The following POU6F2 variants were observed in gnomAD, a reference collection of about 807,000 sequenced individuals.
POU6F2 encodes POU class 6 homeobox 2.
In POU6F2, 31 loss-of-function variants were observed where a neutral mutation model predicts 71.3. That is an observed-to-expected ratio of 0.43 (90% confidence interval 0.33 to 0.59). The LOEUF is 0.59. Ranked by LOEUF, POU6F2 falls within the 20% of genes least tolerant of loss-of-function variation. The pLI, the probability that POU6F2 is intolerant of heterozygous loss-of-function variation, is 0.04. For missense variants in POU6F2, 783 were observed against 856.8 expected (o/e 0.91, Z 1.07); for synonymous variants, 347 against 355.7 (o/e 0.98, Z 0.27).
chr7:39,141,593 A>G (rs544979902), intron 2 of POU6F2, among the ~76,000 whole-genome samples: 34 of 152,348 alleles, frequency 2.2e-4, no homozygotes, highest in African/African-American at 8.2e-4. Flanking sequence ...TCAACCCTTA[A>G]AACTTATCTA....
At chr7:38,994,485 T>C (rs1307878021) in intron 1 of POU6F2, among the ~76,000 whole-genome samples, 2 of 152,118 alleles carry the variant, frequency 1.3e-5, no homozygotes, top group Admixed American at 6.6e-5. Context: ...AAAAAGTGTC[T>C]GCCAGTTTGT....
At chr7:39,024,299 C>G (rs894799291) in intron 1 of POU6F2, among the ~76,000 whole-genome samples, 1 of 151,716 alleles carries the variant, frequency 6.6e-6, no homozygotes, top group Non-Finnish European at 1.5e-5. Context: ...TGATTTGGCT[C>G]TCTGTTTGTC....
chr7:39,419,003 A>ATG lies in POU6F2; in HGVS notation c.1113+12267_1113+12268dup, dbSNP rs543407191. On this transcript the variant is annotated intron_variant, in intron 6 of 9. Coordinates refer to ENST00000518318, the MANE Select transcript of POU6F2 (RefSeq NM_001370959.1). ...TATATATGTGTATATATGTGTATAT[A>ATG]TGTGTATATATGTATATATATGTGT... 6.3e-4 allele frequency among the ~76,000 whole-genome samples: 91 copies of ATG among 143,896 alleles called. 1 individual carries two copies. In the South Asian group the frequency reaches 0.015, roughly 23 times the overall value. The allele number at this position is 143,896 out of a possible 152,430, so 94.4% of individuals were successfully genotyped here.
At chr7:39,137,955 G>T (rs1792419400) in intron 2 of POU6F2, among the ~76,000 whole-genome samples, 1 of 152,178 alleles carries the variant, frequency 6.6e-6, no homozygotes, top group Non-Finnish European at 1.5e-5. Flanking sequence ...CTAACTTGAG[G>T]ACTGAGTAAT....
chr7:39,248,147 AG>A (rs1783853052), intron 4 of POU6F2, among the ~76,000 whole-genome samples: 1 of 152,208 alleles, frequency 6.6e-6, no homozygotes, highest in African/African-American at 2.4e-5. Flanking sequence ...CTCTGGGAGA[AG>A]TGGACATATT....
intron 4 of POU6F2, among the ~76,000 whole-genome samples, chr7:39,275,364 A>T (rs1011005548): frequency 6.6e-6 from 1 of 152,332 alleles, no homozygotes; most frequent in Admixed American, 6.5e-5. Context: ...GGACCTCTTC[A>T]AGGAGAACTA....
At chr7:39,454,710 ATATATATATATAT>A (rs1788755459) in intron 8 of POU6F2, among the ~76,000 whole-genome samples, 3 of 87,816 alleles carry the variant, frequency 3.4e-5, no homozygotes, top group Admixed American at 1.3e-4. Context: ...ATATATATAT[ATATATATATATAT>A]ATATAAAATA....
At chr7:39,036,499 T>C (rs951590502) in intron 1 of POU6F2, among the ~76,000 whole-genome samples, 3 of 152,128 alleles carry the variant, frequency 2.0e-5, no homozygotes, top group African/African-American at 7.2e-5. Flanking sequence ...AATTTAACTT[T>C]TAAGGCAGGA....
At chr7:39,007,555 T>G (rs1352034637) in intron 1 of POU6F2, among the ~76,000 whole-genome samples, 1 of 152,204 alleles carries the variant, frequency 6.6e-6, no homozygotes, top group Admixed American at 6.5e-5. Context: ...CTTTAAGTTT[T>G]AGGGTACATG....
At chr7:39,096,611 A>G (rs1026297320) in intron 2 of POU6F2, among the ~76,000 whole-genome samples, 1 of 152,208 alleles carries the variant, frequency 6.6e-6, no homozygotes, top group Admixed American at 6.5e-5. Context: ...AAATGGGGGC[A>G]TAATTTGAAG....
intron 1 of POU6F2, among the ~76,000 whole-genome samples, chr7:39,045,733 C>T (rs1274542042): frequency 2.0e-5 from 3 of 151,892 alleles, no homozygotes; most frequent in Non-Finnish European, 4.4e-5. Context: ...CACTCCTACC[C>T]CTACCCCAGG....
rs746793035 is a variant in POU6F2 at position 39,464,693 on chromosome 7, G to A, written c.*7G>A. ...TCTGGAAGAAAACTCCTAAAGAGATGCCCACCCATAATCAGAAGCAAAATT... is the reference window on the plus strand; with the variant it reads ...TCTGGAAGAAAACTCCTAAAGAGATACCCACCCATAATCAGAAGCAAAATT... On this transcript the variant is annotated 3_prime_UTR_variant, in exon 10 of 10. Coordinates refer to ENST00000518318, the MANE Select transcript of POU6F2 (RefSeq NM_001370959.1). This position sits in a 1 kb window ranked among gnomAD's most constrained non-coding sequence, Gnocchi z 4.1. 4.4e-6 allele frequency: 7 copies of A among 1,590,254 alleles called. No homozygotes were observed. In the South Asian group the frequency reaches 8.0e-5, roughly 18 times the overall value.
intron 4 of POU6F2, among the ~76,000 whole-genome samples, chr7:39,233,641 C>T (rs1316842922): frequency 3.9e-5 from 6 of 152,124 alleles, no homozygotes; most frequent in Admixed American, 6.5e-5. Flanking sequence ...TCCCAGGCTC[C>T]CTCCACATGG....
At position 39,297,507 on chromosome 7, in the gene POU6F2, C is replaced by T. The variant is rs114662778; in HGVS notation, c.599-42135C>T. Among the ~76,000 whole-genome samples, 309 of 152,260 alleles carry T rather than the reference C, an allele frequency of 2.0e-3. 2 individuals carry two copies. Among genetic ancestry groups the T allele is most frequent in the African/African-American group, 6.4e-3 (266 of 41,526 alleles). ...TACTTGAACCAAAAAGTAGGGAAACCGGAAATCTATTGCTTTAACATATAT... is the reference window on the plus strand; with the variant it reads ...TACTTGAACCAAAAAGTAGGGAAACTGGAAATCTATTGCTTTAACATATAT... On this transcript the variant is annotated intron_variant, in intron 4 of 9. Transcript: ENST00000518318.
At chr7:39,294,899 CAG>C in intron 4 of POU6F2, among the ~76,000 whole-genome samples, 1 of 152,294 alleles carries the variant, frequency 6.6e-6, no homozygotes, top group Admixed American at 6.5e-5. Context: ...GAGAACATTT[CAG>C]AGTCAGGCCT....
Position 39,086,037 on chromosome 7 carries a change from T to C in POU6F2, c.277+6T>C. 2 of 1,613,048 alleles carry C rather than the reference T, an allele frequency of 1.2e-6. No individual in the cohort carries two copies. Among genetic ancestry groups the C allele is most frequent in the Non-Finnish European group, 1.7e-6 (2 of 1,179,502 alleles). ...CACTCCCAGCAAGCTCTTCGGTAAGTCTGTCTAGGTATTTCATTTCAGTAC... is the reference window on the plus strand; with the variant it reads ...CACTCCCAGCAAGCTCTTCGGTAAGCCTGTCTAGGTATTTCATTTCAGTAC... On this transcript the variant is annotated splice_donor_region_variant and intron_variant, in intron 2 of 9. Coordinates refer to ENST00000518318, the MANE Select transcript of POU6F2 (RefSeq NM_001370959.1).
chr7:39,337,122 A>G (rs1483050587), intron 4 of POU6F2, among the ~76,000 whole-genome samples: 1 of 152,222 alleles, frequency 6.6e-6, no homozygotes, highest in Non-Finnish European at 1.5e-5. Flanking sequence ...CAGCTAATAT[A>G]TAGAAACTGA....
chr7:39,015,244 ATATATCTATAT>A (rs879713405), intron 1 of POU6F2, among the ~76,000 whole-genome samples: 1 of 143,780 alleles, frequency 7.0e-6, no homozygotes, highest in Non-Finnish European at 1.5e-5. Context: ...TCTGTATTAT[ATATATCTATAT>A]TATATCTAGA....
chr7:39,094,749 A>C (rs926708731), intron 2 of POU6F2, among the ~76,000 whole-genome samples: 1 of 152,184 alleles, frequency 6.6e-6, no homozygotes, highest in African/African-American at 2.4e-5. Flanking sequence ...TAAAAATGCA[A>C]ATATTTGAAG....
Sources: allele counts gnomAD v4.1 joint callset (sites outside exome capture counted in the v4.1 genomes callset), GRCh38; gene constraint gnomAD v4.1.1; non-coding constraint Gnocchi (gnomAD v3.1); transcripts MANE v1.5; gene names NCBI Gene and HGNC (gene_info 2026-07-23, HGNC 2026-07-21).